XPR1: variants seen among roughly 807,000 people sequenced by gnomAD.
XPR1 encodes the protein solute carrier family 53 member 1.
Under a neutral mutation model 87.5 loss-of-function variants are expected in XPR1, and 28 were observed. The ratio of observed to expected loss-of-function variants is 0.32; its 90% CI spans 0.24 to 0.44. The LOEUF (loss-of-function observed/expected upper bound fraction) is 0.44, where lower values mean the gene tolerates loss of function less well. XPR1 is among the 20% of genes least tolerant of loss of function. The pLI is 1.00. For missense variants in XPR1, 559 were observed against 862.3 expected, an observed-to-expected ratio of 0.65 and a Z score of 4.41; for synonymous variants, 300 against 306.1, an observed-to-expected ratio of 0.98 and a Z score of 0.21.
chr1:180,791,057 C>A (rs1649360169), intron 3 of XPR1, among the ~76,000 whole-genome samples: 1 of 152,028 alleles, frequency 6.6e-6, no homozygotes. Flanking sequence ...AAACAAATGT[C>A]TAGATTGAGA....
chr1:180,648,836 A>G (rs1655203057), intron 1 of XPR1, among the ~76,000 whole-genome samples: 1 of 152,202 alleles, frequency 6.6e-6, no homozygotes, highest in South Asian at 2.1e-4. Context: ...ATTGTTTTCT[A>G]TAAATTCATG....
chr1:180,711,724 A>G (rs183740998), intron 2 of XPR1, among the ~76,000 whole-genome samples: 11 of 152,292 alleles, frequency 7.2e-5, no homozygotes, highest in South Asian at 6.2e-4. Flanking sequence ...ATGTAGTCCA[A>G]TTTATCAGTT....
intron 2 of XPR1, among the ~76,000 whole-genome samples, chr1:180,715,653 A>G (rs1657964029): frequency 6.6e-6 from 1 of 152,120 alleles, no homozygotes; most frequent in East Asian, 1.9e-4. Flanking sequence ...AGAGTTACAG[A>G]GAAGTTGTTT....
intron 4 of XPR1, among the ~76,000 whole-genome samples, chr1:180,804,637 A>G (rs949928130): frequency 1.3e-5 from 2 of 152,182 alleles, no homozygotes; most frequent in East Asian, 1.9e-4. Context: ...TAAAATAAAA[A>G]GTAGTTAAAG....
At chr1:180,695,038 C>G in intron 2 of XPR1, among the ~76,000 whole-genome samples, 1 of 152,124 alleles carries the variant, frequency 6.6e-6, no homozygotes, top group East Asian at 1.9e-4. Context: ...CCCCTTTTCT[C>G]TGCATCTTCA....
intron 1 of XPR1, among the ~76,000 whole-genome samples, chr1:180,665,322 G>C (rs1655921764): frequency 6.6e-6 from 1 of 152,134 alleles, no homozygotes; most frequent in Non-Finnish European, 1.5e-5. Flanking sequence ...CTTGACATTC[G>C]TGGGGATTAT....
At position 180,707,562 on chromosome 1, in the gene XPR1, C is replaced by T. The variant is rs919417542; in HGVS notation, c.121+25151C>T. On this transcript the variant is annotated intron_variant, in intron 2 of 14. Transcript: ENST00000367590. ...CCTACATAACACTATCTGAATAGGG[C>T]TGTGGAATATAGGCAGACCCAATTC... Among the ~76,000 whole-genome samples the T allele has an allele frequency of 5.9e-5, 9 of 152,268 alleles. No homozygotes were observed. In the East Asian group the frequency reaches 1.7e-3, roughly 29 times the overall value.
intron 2 of XPR1, among the ~76,000 whole-genome samples, chr1:180,783,423 A>T (rs916696579): frequency 6.6e-6 from 1 of 151,630 alleles, no homozygotes; most frequent in Non-Finnish European, 1.5e-5. Context: ...TTTCATTTTG[A>T]TGGGTTCAAA....
At chr1:180,845,783 C>G (rs1651660578) in intron 11 of XPR1, among the ~76,000 whole-genome samples, 1 of 140,072 alleles carries the variant, frequency 7.1e-6, no homozygotes, top group Non-Finnish European at 1.6e-5. Flanking sequence ...TGCTGACACA[C>G]TTAAATTAAG....
intron 2 of XPR1, among the ~76,000 whole-genome samples, chr1:180,714,450 G>C (rs1657920571): frequency 1.4e-5 from 2 of 145,208 alleles, no homozygotes; most frequent in African/African-American, 5.1e-5. Context: ...TGTTGCCCAG[G>C]CTGGAGTGCG....
At chr1:180,853,626 GACACACACACACACACACAC>G (rs143320476) in intron 11 of XPR1, among the ~76,000 whole-genome samples, 1 of 140,232 alleles carries the variant, frequency 7.1e-6, no homozygotes, top group Non-Finnish European at 1.5e-5. Context: ...TTAGACTATA[GACACACACACACACACACAC>G]ACACACACAC....
intron 2 of XPR1, among the ~76,000 whole-genome samples, chr1:180,767,766 A>G (rs1029040075): frequency 6.6e-6 from 1 of 152,288 alleles, no homozygotes; most frequent in Admixed American, 6.5e-5. Flanking sequence ...AAAATACGCC[A>G]GTATAGTGGC....
chr1:180,684,918 A>G (rs1365741404), intron 2 of XPR1, among the ~76,000 whole-genome samples: 1 of 152,212 alleles, frequency 6.6e-6, no homozygotes, highest in South Asian at 2.1e-4. Flanking sequence ...ATATACAATC[A>G]TGTCATCTGC....
chr1:180,808,768 A>G (rs1490327580), intron 6 of XPR1, among the ~76,000 whole-genome samples: 1 of 152,210 alleles, frequency 6.6e-6, no homozygotes, highest in African/African-American at 2.4e-5. Context: ...TGTTAGAATG[A>G]TTAAAAAAGA....
At position 180,788,989 on chromosome 1, in the gene XPR1, C is replaced by T. The variant is rs180968887; in HGVS notation, c.223+1135C>T. On this transcript the variant is annotated intron_variant, in intron 3 of 14. Coordinates refer to ENST00000367590, the MANE Select transcript of XPR1 (RefSeq NM_004736.4). ...ACTCAGATATCCTTTTTCAGCAGCC[C>T]CTTCAACTAGAGGCTGATCATTCTC... 3.3e-5 allele frequency among the ~76,000 whole-genome samples: 5 copies of T among 152,140 alleles called. No individual in the cohort carries two copies. In the East Asian group the frequency reaches 5.8e-4, roughly 18 times the overall value.
intron 1 of XPR1, among the ~76,000 whole-genome samples, chr1:180,653,952 T>C (rs1352977804): frequency 6.6e-6 from 1 of 152,192 alleles, no homozygotes; most frequent in Non-Finnish European, 1.5e-5. Flanking sequence ...TTTTGGACTT[T>C]GGTTGACCAT....
intron 2 of XPR1, among the ~76,000 whole-genome samples, chr1:180,697,933 G>T (rs1233383368): frequency 6.6e-6 from 1 of 152,146 alleles, no homozygotes; most frequent in Non-Finnish European, 1.5e-5. Flanking sequence ...CCTGTTGGGT[G>T]AAATGTTCTA....
chr1:180,880,263 A>C lies in XPR1; in HGVS notation c.1996A>C (p.Ser666Arg). 1.2e-6 allele frequency: 2 copies of C among 1,614,176 alleles called. No homozygotes were observed. Among genetic ancestry groups the C allele is most frequent in the Non-Finnish European group, 8.5e-7 (1 of 1,180,042 alleles). ...QKNRSWKYNQ[S>R]ISLRRPRLAS... Reference sequence around the variant, plus strand: ...GAATCGGTCATGGAAGTACAACCAGAGCATATCCCTGCGCCGGCCTCGCCT... The same window carrying C: ...GAATCGGTCATGGAAGTACAACCAGCGCATATCCCTGCGCCGGCCTCGCCT... Residue 666 changes from serine (S) to arginine (R), a missense_variant, in exon 14 of 15, where the codon AGC becomes CGC. Ser to Arg is a moderately radical substitution (Grantham distance 110, BLOSUM62 -1). Coordinates refer to ENST00000367590, the MANE Select transcript of XPR1 (RefSeq NM_004736.4).
At chr1:180,845,338 C>T (rs142797533) in intron 11 of XPR1, among the ~76,000 whole-genome samples, 1 of 152,014 alleles carries the variant, frequency 6.6e-6, no homozygotes, top group African/African-American at 2.4e-5. Context: ...GAGAATTGGG[C>T]AAAAATGAAT....
Sources: allele counts gnomAD v4.1 joint callset (sites outside exome capture counted in the v4.1 genomes callset), GRCh38; gene constraint gnomAD v4.1.1; transcripts MANE v1.5; gene names NCBI Gene and HGNC (gene_info 2026-07-23, HGNC 2026-07-21).